Variants in THNSL1 observed in about 807,000 individuals in gnomAD.
THNSL1 encodes the protein threonine synthase-like 1.
In THNSL1, 48 loss-of-function variants were observed where a neutral mutation model predicts 50.4. The observed-to-expected ratio is 0.95, with a 90% CI of 0.76 to 1.21. THNSL1 has a LOEUF of 1.21. Among genes scored for constraint, THNSL1 ranks in the 50% most tolerant of loss-of-function variants. THNSL1 has a pLI of 0.00. For missense variants in THNSL1, 896 were observed against 871.7 expected (o/e 1.03, Z -0.35); for synonymous variants, 309 against 306.1 (o/e 1.01, Z -0.10).
chr10:24,954,438 A>C, the THNSL1 span, among the ~76,000 whole-genome samples: 2 of 152,096 alleles, frequency 1.3e-5, no homozygotes, highest in African/African-American at 4.8e-5. Flanking sequence ...GGTACCAGGA[A>C]CTTCAAAATA....
intron 1 of THNSL1, among the ~76,000 whole-genome samples, chr10:25,019,687 C>T (rs1564347483): frequency 6.6e-6 from 1 of 152,198 alleles, no homozygotes; most frequent in Non-Finnish European, 1.5e-5. Context: ...TTTTCTCACT[C>T]TAAAGTCAGT....
At chr10:24,984,552 C>T in the THNSL1 span, 1 of 1,077,180 alleles carries the variant, frequency 9.3e-7, no homozygotes, top group Non-Finnish European at 1.3e-6. Flanking sequence ...CTAGTAAAAA[C>T]AAAATTTCTT....
the THNSL1 span, among the ~76,000 whole-genome samples, chr10:24,988,713 T>C: frequency 2.5e-5 from 1 of 40,304 alleles, no homozygotes; most frequent in Non-Finnish European, 4.5e-5. Context: ...TATATATATA[T>C]ATATATATAT....
At chr10:24,984,877 T>C in the THNSL1 span, 4 of 1,613,426 alleles carry the variant, frequency 2.5e-6, no homozygotes, top group Admixed American at 3.3e-5. Context: ...GAATTCTTTA[T>C]GCACCTCTTC....
chr10:25,025,484 G>T lies in THNSL1; in HGVS notation c.*29G>T, dbSNP rs201696332. The stretch of plus-strand genomic sequence containing the variant: ...CTTTCAGAGTAAATTTTTTTTTCTA[G>T]CTATAAGCATGCAATAATAAATCTC... On this transcript the variant is annotated 3_prime_UTR_variant, in exon 3 of 3. Transcript: ENST00000376356. The T allele has an allele frequency of 1.2e-5, 18 of 1,564,902 alleles. No homozygotes were observed. In the African/African-American group the frequency reaches 2.1e-4, roughly 18 times the overall value.
chr10:24,963,861 G>C, the THNSL1 span, among the ~76,000 whole-genome samples: 2 of 152,132 alleles, frequency 1.3e-5, no homozygotes, highest in African/African-American at 2.4e-5. Flanking sequence ...TGCAGGAAAG[G>C]CTTCTCTATC....
chr10:25,025,544 T>G lies in THNSL1; in HGVS notation c.*89T>G. The G allele has an allele frequency of 1.6e-6, 2 of 1,259,960 alleles. No homozygotes were observed. Among genetic ancestry groups the G allele is most frequent in the Non-Finnish European group, 2.2e-6 (2 of 910,512 alleles). The allele number at this position is 1,259,960 out of a possible 1,614,324, so 78.0% of individuals were successfully genotyped here. On this transcript the variant is annotated 3_prime_UTR_variant, in exon 3 of 3. Transcript: ENST00000376356. ...TTTGGAGTACAGTAGCATTTTGTCT[T>G]TTATGTAAATATCTCTATATCTGTT...
intron 1 of THNSL1, among the ~76,000 whole-genome samples, chr10:25,017,001 C>T (rs1850604793): frequency 1.3e-5 from 2 of 152,182 alleles, no homozygotes; most frequent in East Asian, 1.9e-4. Context: ...CCGCGGCCTC[C>T]TCCGCCTGCT....
At chr10:24,969,185 C>T in the THNSL1 span, among the ~76,000 whole-genome samples, 8 of 152,236 alleles carry the variant, frequency 5.3e-5, no homozygotes, top group South Asian at 2.1e-4. Flanking sequence ...TGAGCCACCG[C>T]GCCCGGCCAC....
chr10:24,982,675 T>C, the THNSL1 span: 1 of 152,166 alleles, frequency 6.6e-6, no homozygotes, highest in Non-Finnish European at 1.5e-5. Flanking sequence ...GTGTATGGAT[T>C]GGGGGAGGTT....
At chr10:24,962,578 A>G in the THNSL1 span, among the ~76,000 whole-genome samples, 1 of 152,218 alleles carries the variant, frequency 6.6e-6, no homozygotes, top group Non-Finnish European at 1.5e-5. Flanking sequence ...AGTGTCTGTA[A>G]AAAGGATTAG....
chr10:24,982,296 T>C, the THNSL1 span: 1 of 152,304 alleles, frequency 6.6e-6, no homozygotes, highest in African/African-American at 2.4e-5. Context: ...GTTTTCTGGG[T>C]GGAGGGAACC....
At chr10:25,015,955 T>TCACC, upstream of THNSL1, 1 of 1,601,360 alleles carries the variant, frequency 6.2e-7, no homozygotes, top group Non-Finnish European at 8.5e-7. Flanking sequence ...AATGACTCCT[T>TCACC]AAAAGCTACT....
At chr10:24,955,520 G>T in the THNSL1 span, among the ~76,000 whole-genome samples, 1 of 152,186 alleles carries the variant, frequency 6.6e-6, no homozygotes, top group African/African-American at 2.4e-5. Context: ...ATGAATGTGA[G>T]ATAACATGCA....
intron 2 of THNSL1, among the ~76,000 whole-genome samples, chr10:25,022,821 G>T (rs1850751625): frequency 6.6e-6 from 1 of 152,062 alleles, no homozygotes; most frequent in South Asian, 2.1e-4. Context: ...TTCATTAAAA[G>T]ATCTCAATAT....
chr10:24,988,668 A>G, the THNSL1 span, among the ~76,000 whole-genome samples: 112 of 550 alleles, frequency 0.2, 1 homozygote, highest in Admixed American at 0.27. Context: ...GCATATGTAT[A>G]TATATATATA....
chr10:25,018,758 C>T (rs1428189465), intron 1 of THNSL1, among the ~76,000 whole-genome samples: 2 of 134,166 alleles, frequency 1.5e-5, no homozygotes, highest in Admixed American at 8.4e-5. Flanking sequence ...GGTAAATAAA[C>T]CCTTTATAAA....
intron 1 of THNSL1, among the ~76,000 whole-genome samples, chr10:25,020,761 T>G (rs1350150791): frequency 6.6e-6 from 1 of 151,410 alleles, no homozygotes; most frequent in Admixed American, 6.6e-5. Context: ...AAAAAATTAC[T>G]GCTCATGAAA....
chr10:24,976,943 T>C, the THNSL1 span, among the ~76,000 whole-genome samples: 420 of 152,280 alleles, frequency 2.8e-3, 1 homozygote, highest in South Asian at 7.9e-3. Context: ...TGAATCCAAA[T>C]TGGAAAATTC....
Sources: allele counts gnomAD v4.1 joint callset (sites outside exome capture counted in the v4.1 genomes callset), GRCh38; gene constraint gnomAD v4.1.1; transcripts MANE v1.5; gene names NCBI Gene and HGNC (gene_info 2026-07-23, HGNC 2026-07-21).